ERGIC1: variants seen among roughly 807,000 people sequenced by gnomAD.
ERGIC1 encodes the protein endoplasmic reticulum-golgi intermediate compartment 1.
Under a neutral mutation model 38.3 loss-of-function variants are expected in ERGIC1, and 19 were observed. The ratio of observed to expected loss-of-function variants is 0.50; its 90% CI spans 0.35 to 0.73. ERGIC1 has a LOEUF of 0.73. Ranked by LOEUF, ERGIC1 falls within the 30% of genes least tolerant of loss-of-function variation. The pLI is 0.01. For synonymous variants in ERGIC1, 124 were observed against 157.6 expected (o/e 0.79, Z 1.60); for missense variants, 294 against 389.2 (o/e 0.76, Z 2.06).
intron 1 of ERGIC1, among the ~76,000 whole-genome samples, chr5:172,881,538 TAATA>T (rs1459647933): frequency 6.6e-6 from 1 of 152,228 alleles, no homozygotes; most frequent in Non-Finnish European, 1.5e-5. Flanking sequence ...GTTTCTTAAA[TAATA>T]AATATTTATT....
At chr5:172,938,346 T>C (rs568147711) in intron 9 of ERGIC1, among the ~76,000 whole-genome samples, 2 of 152,320 alleles carry the variant, frequency 1.3e-5, no homozygotes, top group Admixed American at 6.5e-5. Context: ...ACATTGACTA[T>C]AGCAGAGAAA....
chr5:172,845,744 A>G (rs367954310), intron 1 of ERGIC1, among the ~76,000 whole-genome samples: 25 of 152,308 alleles, frequency 1.6e-4, no homozygotes, highest in African/African-American at 6.0e-4. Context: ...GAGGGTCCCC[A>G]CCTTCCATTA....
Position 172,834,480 on chromosome 5 carries a change from A to AG in ERGIC1, c.20+50dup, listed in dbSNP as rs1760979179. ...AGTCGGGAGTTCCCTCAGCGGGCAG[A>AG]GGGAGCGCCCCGGCACGCCGCGGAC... On this transcript the variant is annotated intron_variant, in intron 1 of 9. Transcript: ENST00000393784. The surrounding 1 kb of genome is among the most constrained non-coding windows in gnomAD (Gnocchi z 4.1). 7.7e-7 allele frequency: 1 copy of AG among 1,291,590 alleles called. No homozygotes were observed. Among genetic ancestry groups the AG allele is most frequent in the South Asian group, 2.3e-5 (1 of 43,122 alleles). The allele number at this position is 1,291,590 out of a possible 1,614,324, so 80.0% of individuals were successfully genotyped here. A position where few individuals can be genotyped will look rare whatever the true frequency, so the allele number is the denominator to read the frequency against.
intron 1 of ERGIC1, among the ~76,000 whole-genome samples, chr5:172,855,813 G>T (rs1761535602): frequency 6.6e-6 from 1 of 152,212 alleles, no homozygotes; most frequent in African/African-American, 2.4e-5. Flanking sequence ...GTGTTGGGGA[G>T]CCAGGTTCCA....
rs1581552636 is a variant in ERGIC1, at chr5:172,896,966, A to G, written c.83-36A>G. ...TGGTCTCCCTTCGTCAGTGCCCACC[A>G]CCCTTAACAGTTTGCATTTCTGTTG... On this transcript the variant is annotated intron_variant, in intron 2 of 9. Coordinates refer to ENST00000393784, the MANE Select transcript of ERGIC1 (RefSeq NM_001031711.3). 3 of 1,605,134 alleles carry G rather than the reference A, an allele frequency of 1.9e-6. No individual in the cohort carries two copies. The South Asian group carries it at 3.3e-5, about 18-fold the overall frequency.
intron 3 of ERGIC1, among the ~76,000 whole-genome samples, chr5:172,908,336 AGGGGGGAGG>A (rs1763103023): frequency 5.6e-3 from 2 of 360 alleles, no homozygotes; most frequent in Non-Finnish European, 0.011. Context: ...GGAGGGGGGG[AGGGGGGAGG>A]GGGGGGGTGG....
rs1380758233 is a variant in ERGIC1 at position 172,901,150 on chromosome 5, A to C, written c.155+4076A>C. On this transcript the variant is annotated intron_variant, in intron 3 of 9. Coordinates refer to ENST00000393784, the MANE Select transcript of ERGIC1 (RefSeq NM_001031711.3). Reference sequence around the variant, plus strand: ...GCCACCATGAGATTGTAACTTAAGGAAATGAGGTCACCGTTGGTTGGATCA... The same window carrying C: ...GCCACCATGAGATTGTAACTTAAGGCAATGAGGTCACCGTTGGTTGGATCA... Among the ~76,000 whole-genome samples the C allele has an allele frequency of 6.6e-5, 10 of 152,332 alleles. No homozygotes were observed. In the East Asian group the frequency reaches 1.5e-3, roughly 23 times the overall value.
intron 2 of ERGIC1, among the ~76,000 whole-genome samples, chr5:172,894,175 C>T (rs925664342): frequency 2.4e-4 from 6 of 24,850 alleles, no homozygotes; most frequent in Admixed American, 5.7e-4. Context: ...CCTTTGAATG[C>T]TTCCCCGGTA....
intron 5 of ERGIC1, among the ~76,000 whole-genome samples, chr5:172,919,049 G>A (rs1433862112): frequency 6.6e-6 from 1 of 152,180 alleles, no homozygotes; most frequent in Non-Finnish European, 1.5e-5. Flanking sequence ...CCTCACGCCT[G>A]GCTCTGTGCT....
chr5:172,889,324 C>T (rs1363559378), intron 2 of ERGIC1, among the ~76,000 whole-genome samples: 2 of 151,852 alleles, frequency 1.3e-5, no homozygotes, highest in East Asian at 3.9e-4. Flanking sequence ...GAATTGGGCC[C>T]AGGGGTAGGA....
At chr5:172,918,528 C>T (rs777181723) in intron 5 of ERGIC1, among the ~76,000 whole-genome samples, 8 of 152,166 alleles carry the variant, frequency 5.3e-5, no homozygotes, top group Admixed American at 3.9e-4. Context: ...AAAGGCTGGG[C>T]GGAACCTGCA....
In ERGIC1 at chr5:172,846,730, C is replaced by CT. The variant is rs1761289724; in HGVS notation, c.20+12301dup. Among the ~76,000 whole-genome samples the CT allele has an allele frequency of 6.6e-6, 1 of 152,196 alleles. No homozygotes were observed. On this transcript the variant is annotated intron_variant, in intron 1 of 9. Transcript: ENST00000393784. This position sits in a 1 kb window ranked among gnomAD's most constrained non-coding sequence, Gnocchi z 4.0. ...GTGAGCATGAGACTTGACCCAGAGT[C>CT]TTTTAAGTCCCTTACAGTAGACAGT...
chr5:172,894,356 TG>T (rs1400643396), intron 2 of ERGIC1, among the ~76,000 whole-genome samples: 1 of 151,412 alleles, frequency 6.6e-6, no homozygotes, highest in Admixed American at 6.6e-5. Context: ...CCACAACACC[TG>T]GCTAATTTTT....
intron 2 of ERGIC1, among the ~76,000 whole-genome samples, chr5:172,895,299 C>T (rs182204092): frequency 1.4e-4 from 21 of 152,302 alleles, no homozygotes; most frequent in Admixed American, 1.2e-3. Context: ...CCCTATAAGG[C>T]AGGTACTACC....
At chr5:172,898,462 CT>C (rs1762785734) in intron 3 of ERGIC1, 1 of 152,208 alleles carries the variant, frequency 6.6e-6, no homozygotes, top group Admixed American at 6.5e-5. Context: ...CTGGTCTCAC[CT>C]TGTTTCTGGG....
intron 1 of ERGIC1, among the ~76,000 whole-genome samples, chr5:172,849,587 G>T (rs772616279): frequency 1.1e-4 from 16 of 152,186 alleles, no homozygotes; most frequent in Non-Finnish European, 2.1e-4. Flanking sequence ...GGAAGCTGAG[G>T]CTTTGGGGGG....
chr5:172,926,014 C>A lies in ERGIC1; in HGVS notation c.481-495C>A, dbSNP rs1043835713. On this transcript the variant is annotated intron_variant, in intron 6 of 9. Transcript: ENST00000393784. The surrounding 1 kb of genome is among the most constrained non-coding windows in gnomAD (Gnocchi z 5.2). ...GGGGGGCCCACAGCTCTGGGGCATC[C>A]CTGCCTGGACTCCTCTATGGGCCTT... 3.7e-4 allele frequency among the ~76,000 whole-genome samples: 56 copies of A among 152,288 alleles called. No homozygotes were observed. Among genetic ancestry groups the A allele is most frequent in the African/African-American group, 1.3e-3 (52 of 41,550 alleles).
At chr5:172,894,195 C>CTTTTTTTTTTTTTTTTTTTTTT (rs34730943) in intron 2 of ERGIC1, among the ~76,000 whole-genome samples, 1 of 35,734 alleles carries the variant, frequency 2.8e-5, no homozygotes, top group Non-Finnish European at 4.5e-5. Context: ...ACAACTTTTT[C>CTTTTTTTTTTTTTTTTTTTTTT]TTTTTTTTTT....
At chr5:172,878,591 T>C (rs1204632212) in intron 1 of ERGIC1, among the ~76,000 whole-genome samples, 3 of 152,190 alleles carry the variant, frequency 2.0e-5, no homozygotes, top group African/African-American at 7.2e-5. Context: ...ATTATTATTA[T>C]TCCTCCCTCA....
Sources: gnomAD v4.1 joint callset for allele counts (sites outside exome capture counted in the v4.1 genomes callset) on GRCh38, gnomAD v4.1.1 for gene constraint, Gnocchi (gnomAD v3.1) non-coding constraint, MANE v1.5 for transcripts, NCBI Gene and HGNC (gene_info 2026-07-23, HGNC 2026-07-21) for gene names.